Variants in SGMS1 observed in about 807,000 individuals in gnomAD.
SGMS1 encodes phosphatidylcholine:ceramide cholinephosphotransferase 1.
Under a neutral mutation model 46.2 loss-of-function variants are expected in SGMS1, and 13 were observed. That is an observed-to-expected ratio of 0.28 (90% CI 0.18 to 0.45). SGMS1 has a LOEUF of 0.45. Among genes scored for constraint, SGMS1 ranks in the 20% least tolerant of loss-of-function variants. SGMS1 has a pLI of 1.00. For synonymous variants in SGMS1, 203 were observed against 187.8 expected (o/e 1.08, Z -0.66); for missense variants, 324 against 519.9 (o/e 0.62, Z 3.66).
At chr10:50,332,671 G>A (rs2688882) in intron 7 of SGMS1, among the ~76,000 whole-genome samples, 144,318 of 144,346 alleles carry the variant, frequency 1, 72,145 homozygotes, top group Middle Eastern at 1. Flanking sequence ...CATCCAGGCT[G>A]GAGTGCAGTC....
chr10:50,547,405 T>C (rs1838110584), intron 2 of SGMS1, among the ~76,000 whole-genome samples: 1 of 152,108 alleles, frequency 6.6e-6, no homozygotes, highest in Non-Finnish European at 1.5e-5. Context: ...CGGGGAATAC[T>C]AAAAACCACC....
At chr10:50,393,331 G>A (rs1848803036) in intron 6 of SGMS1, among the ~76,000 whole-genome samples, 1 of 151,968 alleles carries the variant, frequency 6.6e-6, no homozygotes, top group African/African-American at 2.4e-5. Context: ...AAGAAACCAG[G>A]TCAAGTCAAC....
intron 2 of SGMS1, among the ~76,000 whole-genome samples, chr10:50,527,284 T>C (rs1490430426): frequency 1.3e-5 from 2 of 152,234 alleles, no homozygotes; most frequent in East Asian, 3.9e-4. Context: ...TTATTGTTAA[T>C]CACCAACACT....
chr10:50,487,242 C>G (rs1487911573), intron 3 of SGMS1, among the ~76,000 whole-genome samples: 1 of 152,086 alleles, frequency 6.6e-6, no homozygotes, highest in African/African-American at 2.4e-5. Context: ...AACAGAAAAC[C>G]AAACACTGCA....
intron 3 of SGMS1, among the ~76,000 whole-genome samples, chr10:50,515,976 A>C (rs566478737): frequency 6.6e-6 from 1 of 152,188 alleles, no homozygotes; most frequent in African/African-American, 2.4e-5. Context: ...TGTCTTTCCT[A>C]TAATTAGACT....
At chr10:50,499,980 A>G (rs1404338105) in intron 3 of SGMS1, among the ~76,000 whole-genome samples, 1 of 152,248 alleles carries the variant, frequency 6.6e-6, no homozygotes, top group Non-Finnish European at 1.5e-5. Flanking sequence ...CAGCCTGACC[A>G]ACATGGTGAA....
At chr10:50,535,069 T>A (rs1327151124) in intron 2 of SGMS1, among the ~76,000 whole-genome samples, 2 of 152,026 alleles carry the variant, frequency 1.3e-5, no homozygotes, top group Non-Finnish European at 2.9e-5. Context: ...CCGTCTCTAC[T>A]AAAAATACAA....
At chr10:50,485,234 C>T (rs1286012146) in intron 3 of SGMS1, among the ~76,000 whole-genome samples, 1 of 152,132 alleles carries the variant, frequency 6.6e-6, no homozygotes, top group Non-Finnish European at 1.5e-5. Context: ...AAGTCGCTAG[C>T]ATTCCTATAC....
At chr10:50,366,631 A>G (rs1469026663) in intron 6 of SGMS1, among the ~76,000 whole-genome samples, 1 of 152,196 alleles carries the variant, frequency 6.6e-6, no homozygotes, top group African/African-American at 2.4e-5. Context: ...ATAAAAAAGG[A>G]TGAGTTCATG....
intron 6 of SGMS1, among the ~76,000 whole-genome samples, chr10:50,411,404 T>C (rs1279732683): frequency 6.6e-6 from 1 of 152,240 alleles, no homozygotes; most frequent in East Asian, 1.9e-4. Context: ...AAAACAATTC[T>C]ATTTTTACAT....
intron 2 of SGMS1, among the ~76,000 whole-genome samples, chr10:50,575,959 C>A (rs1159633377): frequency 6.6e-6 from 1 of 152,138 alleles, no homozygotes; most frequent in East Asian, 1.9e-4. Flanking sequence ...AGAGCCCTAG[C>A]CCCATTCACA....
chr10:50,534,018 C>A (rs1837978151), intron 2 of SGMS1, among the ~76,000 whole-genome samples: 1 of 151,924 alleles, frequency 6.6e-6, no homozygotes, highest in Admixed American at 6.6e-5. Flanking sequence ...GACCATATCT[C>A]AAGGAGAAAA....
At chr10:50,609,568 C>T (rs1261158723) in intron 1 of SGMS1, among the ~76,000 whole-genome samples, 1 of 128,310 alleles carries the variant, frequency 7.8e-6, no homozygotes, top group African/African-American at 2.9e-5. Flanking sequence ...TACCTTTTTG[C>T]ACATAACAAT....
Position 50,610,749 on chromosome 10 carries a change from C to T in SGMS1, c.-684+12958G>A, listed in dbSNP as rs550326797. ...TGAGGCACAGGTGAGGTTTTGCCTC[C>T]TGACAACCCGACATGCTATATATTT... On this transcript the variant is annotated intron_variant, in intron 1 of 10. Transcript: ENST00000361781. Among the ~76,000 whole-genome samples, 15 of 152,276 alleles carry T rather than the reference C, an allele frequency of 9.9e-5. No individual in the cohort carries two copies. In the South Asian group the frequency reaches 3.1e-3, roughly 32 times the overall value.
At chr10:50,390,436 CATT>C (rs1317472728) in intron 6 of SGMS1, among the ~76,000 whole-genome samples, 1 of 152,204 alleles carries the variant, frequency 6.6e-6, no homozygotes, top group Non-Finnish European at 1.5e-5. Flanking sequence ...AACCCTGAAG[CATT>C]ACTCTATTCC....
At chr10:50,607,635 CAAGT>C (rs1406504938) in intron 1 of SGMS1, among the ~76,000 whole-genome samples, 2 of 152,060 alleles carry the variant, frequency 1.3e-5, no homozygotes, top group African/African-American at 4.8e-5. Flanking sequence ...TGTGAAGCAG[CAAGT>C]GAGTACAAAA....
At chr10:50,422,443 A>T (rs1057444085) in intron 6 of SGMS1, among the ~76,000 whole-genome samples, 11 of 152,202 alleles carry the variant, frequency 7.2e-5, no homozygotes, top group Non-Finnish European at 1.0e-4. Flanking sequence ...ATGTTCCAAC[A>T]ATACAGAATG....
chr10:50,593,315 C>T (rs1205179277), intron 1 of SGMS1, among the ~76,000 whole-genome samples: 3 of 152,172 alleles, frequency 2.0e-5, no homozygotes, highest in Non-Finnish European at 1.5e-5. Context: ...TCAGAACCAC[C>T]CTGCTTAGCT....
At chr10:50,367,874 C>A (rs1564891199) in intron 6 of SGMS1, among the ~76,000 whole-genome samples, 1 of 152,152 alleles carries the variant, frequency 6.6e-6, no homozygotes. Flanking sequence ...TGAAGTAGGT[C>A]ACCACTGGAT....
Sources: allele counts gnomAD v4.1 joint callset (sites outside exome capture counted in the v4.1 genomes callset), GRCh38; gene constraint gnomAD v4.1.1; transcripts MANE v1.5; gene names NCBI Gene and HGNC (gene_info 2026-07-23, HGNC 2026-07-21).